USP6NL: variants seen among roughly 807,000 people sequenced by gnomAD.
USP6NL encodes the protein USP6 N-terminal like, also known as USP6 N-terminal-like protein.
Under a neutral mutation model 61.9 loss-of-function variants are expected in USP6NL, and 26 were observed. The ratio of observed to expected loss-of-function variants is 0.42; its 90% CI spans 0.31 to 0.58. USP6NL has a LOEUF of 0.58. Among genes scored for constraint, USP6NL ranks in the 20% least tolerant of loss-of-function variants. The pLI is 0.16. For synonymous variants in USP6NL, 432 were observed against 390.1 expected (o/e 1.11, Z -1.27); for missense variants, 1,114 against 1,034.3 (o/e 1.08, Z -1.06).
chr10:11,539,221 G>A (rs888916375), intron 2 of USP6NL, among the ~76,000 whole-genome samples: 5 of 152,184 alleles, frequency 3.3e-5, no homozygotes, highest in Admixed American at 6.5e-5. Flanking sequence ...GCAGGAAGGT[G>A]CCTGCTCTTT....
intron 6 of USP6NL, among the ~76,000 whole-genome samples, chr10:11,508,089 A>C (rs564272875): frequency 6.6e-6 from 1 of 152,338 alleles, no homozygotes; most frequent in South Asian, 2.1e-4. Flanking sequence ...GATTATACTG[A>C]AAAAAGTGTG....
rs1237975389 is a variant in USP6NL, at chr10:11,521,332, ATATAT to A, written c.156-2763_156-2759del. Among the ~76,000 whole-genome samples the A allele has an allele frequency of 2.7e-5, 4 of 147,038 alleles. 1 individual carries two copies. The highest frequency in any genetic ancestry group is 4.2e-4 in the South Asian group (2 of 4,798). On this transcript the variant is annotated intron_variant, in intron 4 of 14. Transcript: ENST00000609104. ...ATAATATTTTTATTATATATAAAATATATATTATATATTATTATATTATATACATA... is the reference window on the plus strand; with the variant it reads ...ATAATATTTTTATTATATATAAAATATATATATTATTATATTATATACATA...
At chr10:11,576,437 G>A (rs1355776949) in intron 2 of USP6NL, among the ~76,000 whole-genome samples, 1 of 152,164 alleles carries the variant, frequency 6.6e-6, no homozygotes, top group Non-Finnish European at 1.5e-5. Flanking sequence ...CATGAAGCAG[G>A]ACCTTTGAGA....
At chr10:11,580,363 G>C (rs1837710354) in intron 2 of USP6NL, among the ~76,000 whole-genome samples, 1 of 152,110 alleles carries the variant, frequency 6.6e-6, no homozygotes, top group Admixed American at 6.6e-5. Flanking sequence ...TATCTGAACA[G>C]TAATATTATG....
At chr10:11,555,471 A>AGAAAGAGAGAG (rs1566178235) in intron 2 of USP6NL, among the ~76,000 whole-genome samples, 1 of 62,210 alleles carries the variant, frequency 1.6e-5, no homozygotes, top group African/African-American at 7.1e-5. Context: ...GAGAGAGAGA[A>AGAAAGAGAGAG]AGAGAGAGAG....
intron 1 of USP6NL, among the ~76,000 whole-genome samples, chr10:11,608,841 G>T (rs1235484216): frequency 6.6e-6 from 1 of 152,236 alleles, no homozygotes. Flanking sequence ...GATACGACCT[G>T]AAACTGGCAT....
At chr10:11,533,717 C>G (rs887698835) in intron 2 of USP6NL, among the ~76,000 whole-genome samples, 1 of 152,198 alleles carries the variant, frequency 6.6e-6, no homozygotes, top group Non-Finnish European at 1.5e-5. Flanking sequence ...ACCTCCAGAA[C>G]CCATTAAATG....
chr10:11,577,012 G>A (rs1837572019), intron 2 of USP6NL, among the ~76,000 whole-genome samples: 1 of 150,832 alleles, frequency 6.6e-6, no homozygotes, highest in Non-Finnish European at 1.5e-5. Flanking sequence ...CTATTTCTAG[G>A]TCCTCCTAAA....
In USP6NL at chr10:11,520,620, G is replaced by A. The variant is rs1477694155; in HGVS notation, c.156-2046C>T. On this transcript the variant is annotated intron_variant, in intron 4 of 14. Coordinates refer to ENST00000609104, the MANE Select transcript of USP6NL (RefSeq NM_014688.5). The surrounding 1 kb of genome is among the most constrained non-coding windows in gnomAD (Gnocchi z 5.2). ...GCCTCCTAAATATCCTTCAAGTGGAGGAGAAGAAAGAAGGACCACAATCTG... is the reference window on the plus strand; with the variant it reads ...GCCTCCTAAATATCCTTCAAGTGGAAGAGAAGAAAGAAGGACCACAATCTG... Among the ~76,000 whole-genome samples, 1 of 152,222 alleles carries A rather than the reference G, an allele frequency of 6.6e-6. No individual in the cohort carries two copies. The highest frequency in any genetic ancestry group is 6.5e-5 in the Admixed American group (1 of 15,288).
intron 2 of USP6NL, among the ~76,000 whole-genome samples, chr10:11,584,554 T>A (rs145150694): frequency 1.2e-3 from 181 of 152,284 alleles, no homozygotes; most frequent in African/African-American, 3.8e-3. Flanking sequence ...CTTCCCCCCT[T>A]TCTGAAACCT....
In USP6NL at chr10:11,531,725, A is replaced by AT. The variant is rs533313805; in HGVS notation, c.5-4159dup. 3.2e-3 allele frequency among the ~76,000 whole-genome samples: 492 copies of AT among 151,864 alleles called. 3 individuals carry two copies. Among genetic ancestry groups the AT allele is most frequent in the African/African-American group, 0.012 (477 of 41,450 alleles). ...CAAATTAAATCAAATTATTTTTATG[A>AT]TTTTTTTTATCTAATGTAACAAAGT... On this transcript the variant is annotated intron_variant, in intron 2 of 14. Coordinates refer to ENST00000609104, the MANE Select transcript of USP6NL (RefSeq NM_014688.5).
rs376379995 is a variant in USP6NL, at chr10:11,463,358, C to T, written c.1570G>A (p.Glu524Lys). The T allele has an allele frequency of 6.8e-6, 11 of 1,614,006 alleles. No individual in the cohort carries two copies. Among genetic ancestry groups the T allele is most frequent in the Non-Finnish European group, 8.5e-6 (10 of 1,179,896 alleles). ...GGCCGCACGTTTGACACCCGCACCTCGGCAGGACCTGGGACGGTAACTGCG... is the reference window on the plus strand; with the variant it reads ...GGCCGCACGTTTGACACCCGCACCTTGGCAGGACCTGGGACGGTAACTGCG... The part of the protein sequence containing the change: ...ALAVTVPGPA[E>K]VRVSNVRPKM... Residue 524 changes from glutamate to lysine, a missense_variant, in exon 15 of 15, where the codon GAG (glutamate) becomes AAG (lysine). Coordinates refer to ENST00000609104, the MANE Select transcript of USP6NL (RefSeq NM_014688.5). This position sits in a 1 kb window ranked among gnomAD's most constrained non-coding sequence, Gnocchi z 6.3.
In USP6NL at chr10:11,510,493, G is replaced by A. The variant is rs1834655849; in HGVS notation, c.196-818C>T. 6.6e-6 allele frequency among the ~76,000 whole-genome samples: 1 copy of A among 152,282 alleles called. No individual in the cohort carries two copies. The highest frequency in any genetic ancestry group is 2.1e-4 in the South Asian group (1 of 4,828). ...AGCATCAGGACACCAGGCTGCCAAA[G>A]TTGGGAGAAGTCTCTTGCGTGCCCA... On this transcript the variant is annotated intron_variant, in intron 5 of 14. Coordinates refer to ENST00000609104, the MANE Select transcript of USP6NL (RefSeq NM_014688.5). The surrounding 1 kb of genome is among the most constrained non-coding windows in gnomAD (Gnocchi z 4.8).
chr10:11,524,910 A>G (rs561405109), intron 4 of USP6NL, among the ~76,000 whole-genome samples: 2 of 152,306 alleles, frequency 1.3e-5, no homozygotes, highest in Non-Finnish European at 2.9e-5. Context: ...CTCTCTTTAT[A>G]TAACATATTC....
chr10:11,504,508 T>C (rs1251396255), intron 6 of USP6NL, among the ~76,000 whole-genome samples: 1 of 152,224 alleles, frequency 6.6e-6, no homozygotes, highest in Non-Finnish European at 1.5e-5. Context: ...TCTACCTTCT[T>C]ATTACAAATT....
At chr10:11,567,339 T>G (rs1226717630) in intron 2 of USP6NL, among the ~76,000 whole-genome samples, 2 of 152,238 alleles carry the variant, frequency 1.3e-5, no homozygotes, top group Non-Finnish European at 2.9e-5. Context: ...TTTCCATAGT[T>G]AAGACAATAC....
chr10:11,573,391 A>C, intron 2 of USP6NL: 1 of 365,844 alleles, frequency 2.7e-6, no homozygotes, highest in Non-Finnish European at 4.9e-6. Flanking sequence ...TGTACCTCTT[A>C]ATAATATCCC....
chr10:11,479,587 T>G (rs1833111593), intron 14 of USP6NL, among the ~76,000 whole-genome samples: 1 of 151,150 alleles, frequency 6.6e-6, no homozygotes, highest in South Asian at 2.1e-4. Context: ...TTTGGTTTTT[T>G]TTTTTTGAGT....
At chr10:11,527,096 G>A (rs1217655655) in intron 3 of USP6NL, among the ~76,000 whole-genome samples, 2 of 152,122 alleles carry the variant, frequency 1.3e-5, no homozygotes, top group South Asian at 2.1e-4. Context: ...GTAGAGTCTC[G>A]GCAGGTGTAC....
Sources: allele counts gnomAD v4.1 joint callset (sites outside exome capture counted in the v4.1 genomes callset), GRCh38; gene constraint gnomAD v4.1.1; non-coding constraint Gnocchi (gnomAD v3.1); transcripts MANE v1.5; gene names NCBI Gene and HGNC (gene_info 2026-07-23, HGNC 2026-07-21).